The following FAH variants were observed in gnomAD, a reference collection of about 807,000 sequenced individuals.
The protein encoded by FAH is fumarylacetoacetate hydrolase, also known as fumarylacetoacetase.
Under a neutral mutation model 55.8 loss-of-function variants are expected in FAH, and 47 were observed. The ratio of observed to expected loss-of-function variants is 0.84; its 90% CI spans 0.67 to 1.07. FAH has a LOEUF of 1.07. Ranked by LOEUF, FAH falls within the 50% of genes least tolerant of loss-of-function variation. The pLI is 0.00. For missense variants in FAH, 495 were observed against 545.9 expected (o/e 0.91, Z 0.93); for synonymous variants, 199 against 207.7 (o/e 0.96, Z 0.36).
intron 10 of FAH, chr15:80,177,286 A>G: frequency 1.9e-6 from 1 of 534,906 alleles, no homozygotes; most frequent in South Asian, 2.0e-5. Flanking sequence ...ATGGACTCAG[A>G]GCAAACATGT....
chr15:80,158,888 C>A (rs918682390), intron 2 of FAH, among the ~76,000 whole-genome samples: 1 of 152,254 alleles, frequency 6.6e-6, no homozygotes. Context: ...GGAACTCTGA[C>A]TCTTAGAACC....
chr15:80,170,665 T>A (rs956176048), intron 7 of FAH, among the ~76,000 whole-genome samples: 1 of 152,166 alleles, frequency 6.6e-6, no homozygotes, highest in East Asian at 1.9e-4. Flanking sequence ...GGCAGACACT[T>A]CACCTGTTGA....
At chr15:80,174,479 A>AATG (rs1248200878) in intron 9 of FAH, among the ~76,000 whole-genome samples, 2 of 152,198 alleles carry the variant, frequency 1.3e-5, no homozygotes, top group Non-Finnish European at 2.9e-5. Context: ...TATCACCAAA[A>AATG]ACGATCTCAT....
At chr15:80,182,948 A>T (rs921039863) in intron 13 of FAH, among the ~76,000 whole-genome samples, 1 of 152,226 alleles carries the variant, frequency 6.6e-6, no homozygotes, top group Non-Finnish European at 1.5e-5. Context: ...CAGTGTGATA[A>T]GGGCCCCTGA....
intron 13 of FAH, among the ~76,000 whole-genome samples, chr15:80,185,497 G>T (rs1263042622): frequency 6.6e-6 from 1 of 152,180 alleles, no homozygotes; most frequent in Non-Finnish European, 1.5e-5. Flanking sequence ...GGGGAGAGTT[G>T]ACCACTGTAT....
At chr15:80,181,560 T>C (rs886308003) in intron 13 of FAH, among the ~76,000 whole-genome samples, 2 of 152,092 alleles carry the variant, frequency 1.3e-5, no homozygotes, top group African/African-American at 4.8e-5. Context: ...AGGGTGCCTC[T>C]TAATTCTTCT....
In FAH at chr15:80,159,261, A is replaced by T. The variant is rs766812051; in HGVS notation, c.193-495A>T. Among the ~76,000 whole-genome samples, 87 of 151,158 alleles carry T rather than the reference A, an allele frequency of 5.8e-4. 1 individual carries two copies. Among genetic ancestry groups the T allele is most frequent in the Non-Finnish European group, 1.1e-3 (78 of 67,832 alleles). On this transcript the variant is annotated intron_variant, in intron 2 of 13. Transcript: ENST00000561421. ...AAACAACTTTTTTTTTTTAATAGAG[A>T]TGAAGTCTCACTATATTGCCCAGGC...
At chr15:80,162,164 C>A in intron 4 of FAH, 82 bp from the exon 5 acceptor site, 1 of 1,032,748 alleles carries the variant, frequency 9.7e-7, no homozygotes, top group Non-Finnish European at 1.5e-6. Context: ...TGTGCACACT[C>A]GTGGCTCCAG....
intron 8 of FAH, 100 bp from the exon 9 acceptor site, chr15:80,172,914 A>C: frequency 3.4e-6 from 5 of 1,491,936 alleles, no homozygotes; most frequent in Non-Finnish European, 3.7e-6. Flanking sequence ...TGGAGATGGC[A>C]GTGCTAGGTG....
At chr15:80,169,974 C>G (rs138143364) in intron 7 of FAH, among the ~76,000 whole-genome samples, 190 of 152,372 alleles carry the variant, frequency 1.2e-3, no homozygotes, top group African/African-American at 4.3e-3. Flanking sequence ...CCATGGTGCT[C>G]TATCACAACC....
Position 80,173,363 on chromosome 15 carries a change from C to T in FAH, c.837+219C>T. 4.7e-6 allele frequency: 3 copies of T among 640,274 alleles called. No individual in the cohort carries two copies. The South Asian group carries it at 5.5e-5, about 12-fold the overall frequency. 39.7% of individuals were successfully genotyped at this position (640,274 alleles called of 1,614,324 possible). A position where few individuals can be genotyped will look rare whatever the true frequency, so the allele number is the denominator to read the frequency against. On this transcript the variant is annotated intron_variant, in intron 9 of 13. Transcript: ENST00000561421. ...TGGTTTCCCTGGCCCTGGCACAGTTCTTGGAGAAAACACAGAATTTTGTAA... is the reference window on the plus strand; with the variant it reads ...TGGTTTCCCTGGCCCTGGCACAGTTTTTGGAGAAAACACAGAATTTTGTAA...
At chr15:80,182,764 G>A (rs545078183) in intron 13 of FAH, among the ~76,000 whole-genome samples, 3 of 152,344 alleles carry the variant, frequency 2.0e-5, no homozygotes, top group South Asian at 2.1e-4. Context: ...GAGGTCTTCT[G>A]ATTCCCCTGC....
At chr15:80,156,421 A>G (rs1486487142) in intron 1 of FAH, 2 of 152,326 alleles carry the variant, frequency 1.3e-5, no homozygotes, top group Admixed American at 1.3e-4. Context: ...GCTACAGTTT[A>G]TGCCTTCAGT....
chr15:80,171,379 C>A (rs796408615), intron 7 of FAH, among the ~76,000 whole-genome samples: 32 of 152,054 alleles, frequency 2.1e-4, no homozygotes, highest in South Asian at 8.3e-4. Flanking sequence ...TCATTCTCAG[C>A]AAACTATTGC....
chr15:80,180,133 T>G lies in FAH; in HGVS notation c.970T>G (p.Trp324Gly). 6.2e-7 allele frequency: 1 copy of G among 1,606,396 alleles called. No homozygotes were observed. The highest frequency in any genetic ancestry group is 2.2e-5 in the East Asian group (1 of 44,830). ...CGTCCATTGCCTGCAGTACATGTAC[T>G]GGACGATGCTGCAGCAGCTCACTCA... The part of the protein sequence containing the change: ...ICKSNFKYMY[W>G]TMLQQLTHHS... The change falls in exon 12 of 14, where the codon TGG (tryptophan) becomes GGG (glycine). Residue 324 changes from tryptophan to glycine, a missense_variant. Trp to Gly is a radical substitution (Grantham distance 184). Transcript: ENST00000561421.
At chr15:80,169,178 T>G (rs1339393617) in intron 7 of FAH, among the ~76,000 whole-genome samples, 1 of 151,428 alleles carries the variant, frequency 6.6e-6, no homozygotes, top group Non-Finnish European at 1.5e-5. Flanking sequence ...AGGTCAGGAG[T>G]TCAATACCAG....
chr15:80,183,283 G>A (rs1351870663), intron 13 of FAH, among the ~76,000 whole-genome samples: 1 of 152,170 alleles, frequency 6.6e-6, no homozygotes. Context: ...GCTAAGAGGA[G>A]AGGCATACAT....
At chr15:80,178,846 C>T (rs2041306429) in intron 11 of FAH, among the ~76,000 whole-genome samples, 1 of 152,136 alleles carries the variant, frequency 6.6e-6, no homozygotes, top group African/African-American at 2.4e-5. Context: ...CCTCAGCCTC[C>T]CAAAGTGCTG....
In FAH at chr15:80,173,013, G is replaced by T. The variant is rs149052294; in HGVS notation, c.707-1G>T. On this transcript the variant is annotated splice_acceptor_variant, in intron 8 of 13. Coordinates refer to ENST00000561421, the MANE Select transcript of FAH (RefSeq NM_000137.4). LOFTEE classifies it high-confidence loss of function. ...GTCCTGGCTGTGCCCTTCTTCTGCA[G>T]CACGAGACATTCAGAAGTGGGAGTA... 6.2e-7 allele frequency: 1 copy of T among 1,614,224 alleles called. No homozygotes were observed. Among genetic ancestry groups the T allele is most frequent in the South Asian group, 1.1e-5 (1 of 91,088 alleles).
Sources: allele counts gnomAD v4.1 joint callset (sites outside exome capture counted in the v4.1 genomes callset), GRCh38; gene constraint gnomAD v4.1.1; transcripts MANE v1.5; gene names NCBI Gene and HGNC (gene_info 2026-07-23, HGNC 2026-07-21).